Variants in DAAM1 observed in about 807,000 individuals in gnomAD.
DAAM1 encodes the protein dishevelled associated activator of morphogenesis 1.
DAAM1 carries 52 observed loss-of-function variants against 130.0 expected under a neutral mutation model. The ratio of observed to expected loss-of-function variants is 0.40; its 90% CI spans 0.32 to 0.50. The LOEUF is 0.50. Ranked by LOEUF, DAAM1 falls within the 20% of genes least tolerant of loss-of-function variation. The pLI is 0.61. For missense variants in DAAM1, 1,134 were observed against 1,303.8 expected, an observed-to-expected ratio of 0.87 and a Z score of 2.01; for synonymous variants, 452 against 444.5, an observed-to-expected ratio of 1.02 and a Z score of -0.21.
At position 59,368,836 on chromosome 14, in the gene DAAM1, C is replaced by CCAAT; in HGVS notation, c.3187_3190dup (p.Thr1064AsnfsTer5). On this transcript the variant is annotated frameshift_variant, in exon 25 of 25. Transcript: ENST00000360909. LOFTEE classifies it high-confidence loss of function. Reference sequence around the variant, plus strand: ...GATGACTGACAGCAGCAGAGAGAGACCAATCACAAAACTTAATTTCTAATT... The same window carrying CCAAT: ...GATGACTGACAGCAGCAGAGAGAGACCAATCAATCACAAAACTTAATTTCTAATT... 2.5e-6 allele frequency: 4 copies of CCAAT among 1,613,376 alleles called. No homozygotes were observed. Among genetic ancestry groups the CCAAT allele is most frequent in the South Asian group, 1.1e-5 (1 of 90,922 alleles).
At chr14:59,289,767 G>GATATATATATATATAT in intron 2 of DAAM1, among the ~76,000 whole-genome samples, 7,088 of 109,864 alleles carry the variant, frequency 0.065, 645 homozygotes, top group Middle Eastern at 0.097. Flanking sequence ...AACAAAATGT[G>GATATATATATATATAT]ATATATATAT....
chr14:59,267,752 C>T (rs1225449017), intron 2 of DAAM1, among the ~76,000 whole-genome samples: 2 of 152,162 alleles, frequency 1.3e-5, no homozygotes, highest in South Asian at 2.1e-4. Context: ...GGATAGCTCA[C>T]ATAAATGGAA....
chr14:59,258,537 T>C (rs1882013436), intron 1 of DAAM1, among the ~76,000 whole-genome samples: 1 of 152,220 alleles, frequency 6.6e-6, no homozygotes, highest in African/African-American at 2.4e-5. Flanking sequence ...TGGGTGCGAA[T>C]ATGCATATTA....
intron 17 of DAAM1, among the ~76,000 whole-genome samples, chr14:59,349,452 G>T (rs137969230): frequency 0.011 from 1,682 of 152,358 alleles, 32 homozygotes; most frequent in African/African-American, 0.037. Context: ...GACCTGGCCT[G>T]TCCTGATAAT....
chr14:59,326,682 A>C, intron 11 of DAAM1, 34 bp downstream of exon 11: 1 of 1,603,908 alleles, frequency 6.2e-7, no homozygotes, highest in Non-Finnish European at 8.5e-7. Context: ...CTGTGAGATA[A>C]TGGTGACAAT....
In DAAM1 at chr14:59,340,001, T is replaced by C. The variant is rs976229525; in HGVS notation, c.1969-73T>C. 7.4e-6 allele frequency: 10 copies of C among 1,344,338 alleles called. No homozygotes were observed. In the African/African-American group the frequency reaches 1.4e-4, roughly 19 times the overall value. The allele number at this position is 1,344,338 out of a possible 1,614,324, so 83.3% of individuals were successfully genotyped here. ...GTGTATGTGTATATGAACAACAATG[T>C]AAAGGAAAGTGTGTATCTGAAGTCT... is the stretch of plus-strand genomic sequence containing the variant. On this transcript the variant is annotated intron_variant, in intron 15 of 24. Coordinates refer to ENST00000360909, the MANE Select transcript of DAAM1 (RefSeq NM_001270520.2).
intron 1 of DAAM1, among the ~76,000 whole-genome samples, chr14:59,198,098 CAGGAA>C (rs1887964253): frequency 1.3e-5 from 2 of 152,122 alleles, no homozygotes; most frequent in Non-Finnish European, 2.9e-5. Context: ...CTCTTCAGGC[CAGGAA>C]TTCCTCCAAC....
chr14:59,327,408 T>C (rs1594825812), intron 12 of DAAM1, among the ~76,000 whole-genome samples: 1 of 123,636 alleles, frequency 8.1e-6, no homozygotes, highest in East Asian at 2.2e-4. Context: ...GTTTCTTTTT[T>C]TTTTTTTTTT....
At chr14:59,212,589 A>G (rs1042290118) in intron 1 of DAAM1, among the ~76,000 whole-genome samples, 11 of 152,238 alleles carry the variant, frequency 7.2e-5, no homozygotes, top group African/African-American at 2.4e-4. Context: ...TTCCACTGCC[A>G]TGCTAGACAA....
intron 1 of DAAM1, among the ~76,000 whole-genome samples, chr14:59,220,319 TG>T (rs1243160981): frequency 6.6e-6 from 1 of 152,166 alleles, no homozygotes; most frequent in African/African-American, 2.4e-5. Flanking sequence ...AAGTGGCACA[TG>T]GATTAACTCT....
At chr14:59,356,418 C>T (rs1209364383) in intron 20 of DAAM1, among the ~76,000 whole-genome samples, 1 of 152,226 alleles carries the variant, frequency 6.6e-6, no homozygotes, top group Non-Finnish European at 1.5e-5. Context: ...TGATCCTTTT[C>T]AGAGCACTTT....
chr14:59,309,524 G>A (rs935184586), intron 3 of DAAM1, among the ~76,000 whole-genome samples: 1 of 152,180 alleles, frequency 6.6e-6, no homozygotes, highest in South Asian at 2.1e-4. Flanking sequence ...ACTATGGCCC[G>A]TGGGCTAATT....
intron 19 of DAAM1, 76 bp downstream of exon 19, chr14:59,354,040 A>G: frequency 7.3e-7 from 1 of 1,367,424 alleles, no homozygotes; most frequent in South Asian, 1.3e-5. Context: ...AAGTGCATAT[A>G]GTAAACAAGA....
chr14:59,280,175 G>T (rs1435085058), intron 2 of DAAM1, among the ~76,000 whole-genome samples: 1 of 142,558 alleles, frequency 7.0e-6, no homozygotes, highest in Admixed American at 6.8e-5. Flanking sequence ...GGTGTTAAGT[G>T]TTACTTCAAT....
At chr14:59,196,976 A>G (rs1190301962) in intron 1 of DAAM1, among the ~76,000 whole-genome samples, 1 of 151,998 alleles carries the variant, frequency 6.6e-6, no homozygotes, top group African/African-American at 2.4e-5. Context: ...GCTGGAGTGC[A>G]GTGGCGCGAT....
intron 4 of DAAM1, among the ~76,000 whole-genome samples, chr14:59,318,720 A>C (rs1488962775): frequency 3.9e-5 from 6 of 152,098 alleles, no homozygotes; most frequent in African/African-American, 1.2e-4. Flanking sequence ...CACATAGAAA[A>C]TGTTGTAGTC....
At chr14:59,224,343 T>G (rs999545086) in intron 1 of DAAM1, among the ~76,000 whole-genome samples, 1 of 152,224 alleles carries the variant, frequency 6.6e-6, no homozygotes, top group African/African-American at 2.4e-5. Context: ...TTGGAAGATA[T>G]GGTGGGAATC....
chr14:59,224,990 CTAGGACTGTAAGAAA>C (rs1409110345), intron 1 of DAAM1, among the ~76,000 whole-genome samples: 1 of 145,584 alleles, frequency 6.9e-6, no homozygotes, highest in African/African-American at 2.6e-5. Context: ...TCTACAACCT[CTAGGACTGTAAGAAA>C]TAAATCTGTG....
chr14:59,319,184 C>G (rs1884907199), intron 4 of DAAM1, among the ~76,000 whole-genome samples: 1 of 152,134 alleles, frequency 6.6e-6, no homozygotes, highest in South Asian at 2.1e-4. Context: ...ACTCACCATC[C>G]CCTGGTGACA....
Sources: gnomAD v4.1 joint callset for allele counts (sites outside exome capture counted in the v4.1 genomes callset) on GRCh38, gnomAD v4.1.1 for gene constraint, MANE v1.5 for transcripts, NCBI Gene and HGNC (gene_info 2026-07-23, HGNC 2026-07-21) for gene names.